The following NCAM2 variants were observed in gnomAD, a reference collection of about 807,000 sequenced individuals.
The protein encoded by NCAM2 is neural cell adhesion molecule 2.
A neutral mutation model predicts 98.1 loss-of-function variants in NCAM2; 30 were observed. The ratio of observed to expected loss-of-function variants is 0.31; its 90% CI spans 0.23 to 0.41. NCAM2 has a LOEUF of 0.41. NCAM2 is among the 10% of genes least tolerant of loss of function. The pLI is 1.00. For missense variants in NCAM2, 867 were observed against 1,005.8 expected, an observed-to-expected ratio of 0.86 and a Z score of 1.87; for synonymous variants, 368 against 342.4, an observed-to-expected ratio of 1.07 and a Z score of -0.83.
At chr21:21,225,303 A>G (rs2070336987) in intron 1 of NCAM2, among the ~76,000 whole-genome samples, 1 of 152,022 alleles carries the variant, frequency 6.6e-6, no homozygotes, top group South Asian at 2.1e-4. Flanking sequence ...TACATACTGG[A>G]CTTAATACTT....
intron 16 of NCAM2, among the ~76,000 whole-genome samples, chr21:21,529,454 A>C (rs1449920326): frequency 6.6e-6 from 1 of 152,202 alleles, no homozygotes; most frequent in Middle Eastern, 3.4e-3. Context: ...TACATAGTAG[A>C]GTTAAACTTT....
At chr21:21,281,287 G>A (rs894500967) in intron 2 of NCAM2, among the ~76,000 whole-genome samples, 3 of 151,998 alleles carry the variant, frequency 2.0e-5, no homozygotes, top group Admixed American at 6.6e-5. Context: ...GTAATATTAG[G>A]ATGAATATAA....
intron 9 of NCAM2, 49 bp from the exon 10 acceptor site, chr21:21,410,225 T>A: frequency 9.5e-7 from 1 of 1,048,418 alleles, no homozygotes; most frequent in Non-Finnish European, 1.3e-6. Context: ...TAAATGATTA[T>A]TTAACTTAAA....
chr21:21,493,884 G>C (rs1447132425), intron 15 of NCAM2, among the ~76,000 whole-genome samples: 1 of 151,888 alleles, frequency 6.6e-6, no homozygotes, highest in African/African-American at 2.4e-5. Flanking sequence ...TTTATAATTT[G>C]ATAGCTGGTA....
intron 1 of NCAM2, among the ~76,000 whole-genome samples, chr21:21,004,791 A>G (rs1450644727): frequency 6.6e-6 from 1 of 152,034 alleles, no homozygotes; most frequent in African/African-American, 2.4e-5. Flanking sequence ...TCCTTTATCC[A>G]TGAGGGCCAT....
intron 15 of NCAM2, among the ~76,000 whole-genome samples, chr21:21,506,723 A>T (rs1268067135): frequency 2.6e-5 from 4 of 152,180 alleles, no homozygotes; most frequent in African/African-American, 4.8e-5. Flanking sequence ...ATTCCCGGAT[A>T]CTAGCTAAGC....
At chr21:21,534,361 A>G (rs181138815) in intron 16 of NCAM2, among the ~76,000 whole-genome samples, 176 bp from the exon 17 acceptor site, 136 of 152,188 alleles carry the variant, frequency 8.9e-4, no homozygotes, top group African/African-American at 3.2e-3. Flanking sequence ...TTTCTGAGTG[A>G]TAATATATGG....
At chr21:21,095,707 A>T (rs2066108065) in intron 1 of NCAM2, among the ~76,000 whole-genome samples, 1 of 151,686 alleles carries the variant, frequency 6.6e-6, no homozygotes, top group Non-Finnish European at 1.5e-5. Context: ...AATATAATAA[A>T]AACAGTAAAT....
At chr21:21,073,825 A>G (rs564458134) in intron 1 of NCAM2, among the ~76,000 whole-genome samples, 87 of 152,326 alleles carry the variant, frequency 5.7e-4, no homozygotes, top group Non-Finnish European at 9.3e-4. Context: ...AGAAATTCTA[A>G]TATATGCTCG....
intron 1 of NCAM2, among the ~76,000 whole-genome samples, chr21:21,205,689 A>G (rs998555396): frequency 6.6e-6 from 1 of 152,070 alleles, no homozygotes; most frequent in African/African-American, 2.4e-5. Flanking sequence ...TGATTTTCTT[A>G]CTCTATTCAG....
chr21:21,217,597 T>TA (rs2069958184), intron 1 of NCAM2, among the ~76,000 whole-genome samples: 1 of 152,172 alleles, frequency 6.6e-6, no homozygotes, highest in Non-Finnish European at 1.5e-5. Flanking sequence ...GACACAAATC[T>TA]AGGTACTGCT....
chr21:21,520,335 T>A (rs964277525), intron 16 of NCAM2, among the ~76,000 whole-genome samples: 1 of 152,134 alleles, frequency 6.6e-6, no homozygotes, highest in Non-Finnish European at 1.5e-5. Flanking sequence ...ATAATTTACC[T>A]ACTCATATTT....
At chr21:21,299,029 G>GA (rs1251513488) in intron 5 of NCAM2, among the ~76,000 whole-genome samples, 1 of 151,322 alleles carries the variant, frequency 6.6e-6, no homozygotes. Flanking sequence ...ACAACTTATA[G>GA]AAATCTATAG....
At chr21:21,054,145 C>T (rs2065166821) in intron 1 of NCAM2, among the ~76,000 whole-genome samples, 1 of 151,802 alleles carries the variant, frequency 6.6e-6, no homozygotes, top group Admixed American at 6.6e-5. Context: ...ATAAATTGTG[C>T]CTACCCAGTC....
chr21:21,498,597 A>G (rs951827951), intron 15 of NCAM2, among the ~76,000 whole-genome samples: 1 of 152,146 alleles, frequency 6.6e-6, no homozygotes, highest in South Asian at 2.1e-4. Flanking sequence ...CAATAAGTGC[A>G]TTTTGTCAGG....
At chr21:21,445,784 C>A (rs55897267) in intron 12 of NCAM2, among the ~76,000 whole-genome samples, 29,095 of 151,988 alleles carry the variant, frequency 0.19, 2,868 homozygotes, top group African/African-American at 0.22. Flanking sequence ...ATCCACTTTG[C>A]CAGTCTGTGT....
chr21:21,425,408 G>A (rs1323072911), intron 11 of NCAM2, among the ~76,000 whole-genome samples: 1 of 152,066 alleles, frequency 6.6e-6, no homozygotes, highest in Non-Finnish European at 1.5e-5. Flanking sequence ...ATGGTTCATT[G>A]TGTTATATTT....
chr21:21,123,196 C>A (rs2066711514), intron 1 of NCAM2, among the ~76,000 whole-genome samples: 1 of 151,998 alleles, frequency 6.6e-6, no homozygotes, highest in African/African-American at 2.4e-5. Flanking sequence ...CAGGTCGAGA[C>A]CATCCTGGCT....
At chr21:21,350,730 T>A (rs2075311217) in intron 8 of NCAM2, among the ~76,000 whole-genome samples, 1 of 152,186 alleles carries the variant, frequency 6.6e-6, no homozygotes, top group Non-Finnish European at 1.5e-5. Flanking sequence ...ATATGCAATT[T>A]TTAAAACTGT....
Sources: gnomAD v4.1 joint callset for allele counts (sites outside exome capture counted in the v4.1 genomes callset) on GRCh38, gnomAD v4.1.1 for gene constraint, MANE v1.5 for transcripts, NCBI Gene and HGNC (gene_info 2026-07-23, HGNC 2026-07-21) for gene names.